Variants in HLCS observed in about 807,000 individuals in gnomAD.
HLCS encodes biotin--protein ligase.
HLCS carries 53 observed loss-of-function variants against 75.0 expected under a neutral mutation model. That is an observed-to-expected ratio of 0.71 (90% CI 0.57 to 0.89). The LOEUF is 0.89. Ranked by LOEUF, HLCS falls within the 40% of genes least tolerant of loss-of-function variation. The pLI is 0.00. For synonymous variants in HLCS, 431 were observed against 428.6 expected (o/e 1.01, Z -0.07); for missense variants, 966 against 1,074.0 (o/e 0.90, Z 1.41).
chr21:36,901,545 C>T (rs1000977489), intron 5 of HLCS, among the ~76,000 whole-genome samples: 5 of 152,174 alleles, frequency 3.3e-5, no homozygotes, highest in African/African-American at 1.2e-4. Context: ...AACACGTCAA[C>T]GGGGCCGTGC....
chr21:36,866,373 A>G (rs1046812215), intron 6 of HLCS, among the ~76,000 whole-genome samples: 33 of 152,242 alleles, frequency 2.2e-4, no homozygotes, highest in African/African-American at 6.0e-4. Flanking sequence ...ATATTATCTT[A>G]TAATTAGGGA....
chr21:36,853,826 T>C (rs2835499), intron 6 of HLCS, among the ~76,000 whole-genome samples: 20,116 of 152,202 alleles, frequency 0.13, 1,622 homozygotes, highest in Non-Finnish European at 0.18. Context: ...TTTTGGCATA[T>C]AACTTGTAAA....
intron 1 of HLCS, among the ~76,000 whole-genome samples, chr21:36,963,353 A>T (rs8131277): frequency 6.6e-6 from 1 of 152,230 alleles, no homozygotes; most frequent in African/African-American, 2.4e-5. Flanking sequence ...ACTGTGCTGC[A>T]TATCAGTTCA....
intron 1 of HLCS, among the ~76,000 whole-genome samples, chr21:36,979,712 T>C (rs1392145712): frequency 6.6e-6 from 1 of 152,034 alleles, no homozygotes; most frequent in Non-Finnish European, 1.5e-5. Context: ...GCCAGGAGTT[T>C]GAGACCGGTC....
At chr21:36,835,302 T>C (rs528168356) in intron 6 of HLCS, among the ~76,000 whole-genome samples, 15 of 152,332 alleles carry the variant, frequency 9.8e-5, no homozygotes, top group East Asian at 9.6e-4. Context: ...AATATGCCTA[T>C]ACAAACCCCA....
rs768097284 is a variant in HLCS, at chr21:36,754,321, G to C, written c.2547C>G (p.Gly849=). 6 of 1,613,996 alleles carry C rather than the reference G, an allele frequency of 3.7e-6. No homozygotes were observed. The South Asian group carries it at 6.6e-5, about 18-fold the overall frequency. ...SGFLQVHQEG[G]EVVTVHPDGN... Reference sequence around the variant, plus strand: ...CGTCCGGGTGCACAGTCACAACCTCGCCGCCCTCCTGGTGAACCTGGAGGA... The same window carrying C: ...CGTCCGGGTGCACAGTCACAACCTCCCCGCCCTCCTGGTGAACCTGGAGGA... Residue 849 remains glycine (G), a synonymous_variant, in exon 11 of 11, where the codon GGC becomes GGG. Coordinates refer to ENST00000674895, the MANE Select transcript of HLCS (RefSeq NM_001352514.2).
intron 5 of HLCS, among the ~76,000 whole-genome samples, chr21:36,910,548 A>G (rs1370602274): frequency 1.4e-5 from 2 of 145,242 alleles, no homozygotes; most frequent in Non-Finnish European, 3.0e-5. Flanking sequence ...TCTGTATGGA[A>G]AAAAAAAAAA....
chr21:36,776,323 T>A (rs541044527), intron 6 of HLCS, among the ~76,000 whole-genome samples: 1 of 152,198 alleles, frequency 6.6e-6, no homozygotes. Context: ...TATTCCTATA[T>A]GCGTCTGTGT....
intron 6 of HLCS, among the ~76,000 whole-genome samples, chr21:36,775,199 G>A (rs150884030): frequency 1.6e-4 from 25 of 152,246 alleles, no homozygotes; most frequent in African/African-American, 5.8e-4. Context: ...TTACGTTTTT[G>A]GCTAATCTTC....
chr21:36,967,559 T>G (rs1246789386), upstream of HLCS, among the ~76,000 whole-genome samples: 1 of 152,214 alleles, frequency 6.6e-6, no homozygotes, highest in Non-Finnish European at 1.5e-5. Context: ...AGAACCTCAT[T>G]TCTTTAAAAG....
At chr21:36,863,292 G>A (rs977324391) in intron 6 of HLCS, among the ~76,000 whole-genome samples, 5 of 152,202 alleles carry the variant, frequency 3.3e-5, no homozygotes, top group African/African-American at 9.6e-5. Flanking sequence ...GATTCCACCT[G>A]GAGACATCAG....
chr21:36,759,707 G>T lies in HLCS; in HGVS notation c.2236+20C>A, dbSNP rs768494417. The T allele has an allele frequency of 8.9e-6, 12 of 1,349,638 alleles. No individual in the cohort carries two copies. Among genetic ancestry groups the T allele is most frequent in the Non-Finnish European group, 1.3e-5 (12 of 938,604 alleles). The allele number at this position is 1,349,638 out of a possible 1,614,324, so 83.6% of individuals were successfully genotyped here. Reference sequence around the variant, plus strand: ...TTTTATTAATCTAAAAATGCTGGGGGAAAGGTTTTTGAAACTTACCAATAA... The same window carrying T: ...TTTTATTAATCTAAAAATGCTGGGGTAAAGGTTTTTGAAACTTACCAATAA... On this transcript the variant is annotated intron_variant, in intron 9 of 10. Transcript: ENST00000674895.
At chr21:36,959,914 G>A (rs1208445008) in intron 2 of HLCS, among the ~76,000 whole-genome samples, 1 of 152,150 alleles carries the variant, frequency 6.6e-6, no homozygotes. Context: ...CTACATTGCA[G>A]GCAACAAGAA....
chr21:36,853,804 G>C (rs1396798405), intron 6 of HLCS, among the ~76,000 whole-genome samples: 1 of 152,132 alleles, frequency 6.6e-6, no homozygotes, highest in Admixed American at 6.5e-5. Context: ...ACTGATGAGA[G>C]TGCAATATAA....
intron 5 of HLCS, among the ~76,000 whole-genome samples, chr21:36,912,693 G>C (rs748072652): frequency 5.9e-5 from 9 of 152,076 alleles, no homozygotes; most frequent in Admixed American, 1.3e-4. Flanking sequence ...AAGGGAGAGA[G>C]AGAAGGAGTC....
chr21:36,882,562 T>C (rs1333490365), intron 6 of HLCS, among the ~76,000 whole-genome samples: 1 of 151,090 alleles, frequency 6.6e-6, no homozygotes, highest in African/African-American at 2.4e-5. Context: ...TGCCTTAGCC[T>C]CCTGAGTAGC....
At chr21:36,783,815 A>G (rs1405228318) in intron 6 of HLCS, among the ~76,000 whole-genome samples, 1 of 144,752 alleles carries the variant, frequency 6.9e-6, no homozygotes, top group Non-Finnish European at 1.6e-5. Flanking sequence ...ACACACACAC[A>G]TGCACATACA....
At chr21:36,874,136 C>T (rs1171499484) in intron 6 of HLCS, among the ~76,000 whole-genome samples, 1 of 152,170 alleles carries the variant, frequency 6.6e-6, no homozygotes, top group Non-Finnish European at 1.5e-5. Flanking sequence ...TATCTACTTA[C>T]TGTATCACCA....
At position 36,938,896 on chromosome 21, in the gene HLCS, C is replaced by T; in HGVS notation, c.429G>A (p.Leu143=). ...GTCTATCTTCCATGAACGCCACCCC[C>T]AGCTTGCTGAAGTTGTCCACACTTG... ...AEASVDNFSK[L]GVAFMEDRLH... is the part of the protein sequence containing the mutation. Residue 143 remains leucine (L), a synonymous_variant, in exon 3 of 11, where the codon CTG becomes CTA. Transcript: ENST00000674895. 6.2e-7 allele frequency: 1 copy of T among 1,614,130 alleles called. No individual in the cohort carries two copies. Among genetic ancestry groups the T allele is most frequent in the East Asian group, 2.2e-5 (1 of 44,886 alleles).
Sources: gnomAD v4.1 joint callset for allele counts (sites outside exome capture counted in the v4.1 genomes callset) on GRCh38, gnomAD v4.1.1 for gene constraint, MANE v1.5 for transcripts, NCBI Gene and HGNC (gene_info 2026-07-23, HGNC 2026-07-21) for gene names.